The following LINGO2 variants were observed in gnomAD, a reference collection of about 807,000 sequenced individuals.
LINGO2 encodes leucine rich repeat and Ig domain containing 2.
A neutral mutation model predicts 30.6 loss-of-function variants in LINGO2; 14 were observed. The observed-to-expected ratio is 0.46, with a 90% CI of 0.30 to 0.72. The LOEUF (loss-of-function observed/expected upper bound fraction) is 0.72, where lower values mean the gene tolerates loss of function less well. Ranked by LOEUF, LINGO2 falls within the 30% of genes least tolerant of loss-of-function variation. The pLI is 0.07. For synonymous variants in LINGO2, 317 were observed against 288.5 expected, an observed-to-expected ratio of 1.10 and a Z score of -1.00; for missense variants, 729 against 751.7, an observed-to-expected ratio of 0.97 and a Z score of 0.35.
At chr9:28,478,898 T>G (rs1243389212) in intron 1 of LINGO2, among the ~76,000 whole-genome samples, 2 of 152,090 alleles carry the variant, frequency 1.3e-5, no homozygotes, top group East Asian at 3.8e-4. Context: ...TTGACCAATA[T>G]TTGAGCTAAC....
At chr9:28,071,463 G>T (rs1275458551) in intron 4 of LINGO2, among the ~76,000 whole-genome samples, 1 of 151,972 alleles carries the variant, frequency 6.6e-6, no homozygotes, top group Non-Finnish European at 1.5e-5. Context: ...TAGCCTAGCT[G>T]CTAGTTAATT....
chr9:28,167,550 CTTT>C (rs1157571700), intron 4 of LINGO2, among the ~76,000 whole-genome samples: 1 of 151,994 alleles, frequency 6.6e-6, no homozygotes, highest in African/African-American at 2.4e-5. Context: ...CCAGCTAATT[CTTT>C]TTTTGTTATT....
chr9:27,945,060 A>T (rs1304456135), downstream of LINGO2, among the ~76,000 whole-genome samples: 4 of 151,926 alleles, frequency 2.6e-5, no homozygotes, highest in African/African-American at 9.7e-5. Flanking sequence ...AAATTATGTA[A>T]TTTTTTTCTT....
chr9:28,718,979 C>T, the LINGO2 span, among the ~76,000 whole-genome samples: 1 of 152,038 alleles, frequency 6.6e-6, no homozygotes, highest in Non-Finnish European at 1.5e-5. Flanking sequence ...TCACTCTTCT[C>T]AGTGCTTCTA....
At chr9:28,126,392 G>C (rs568077779) in intron 4 of LINGO2, among the ~76,000 whole-genome samples, 1 of 148,256 alleles carries the variant, frequency 6.7e-6, no homozygotes, top group Admixed American at 6.7e-5. Flanking sequence ...CATCCTCACT[G>C]ACCACCGAGA....
chr9:28,757,772 C>A, the LINGO2 span, among the ~76,000 whole-genome samples: 5 of 151,928 alleles, frequency 3.3e-5, 1 homozygote, highest in African/African-American at 1.2e-4. Context: ...GGGTCAGCAA[C>A]TGAACTCAGC....
chr9:28,223,452 T>A (rs1172987396), intron 4 of LINGO2, among the ~76,000 whole-genome samples: 1 of 152,220 alleles, frequency 6.6e-6, no homozygotes, highest in East Asian at 1.9e-4. Context: ...AATCACTTCT[T>A]AAAGGCCCCA....
the LINGO2 span, among the ~76,000 whole-genome samples, chr9:28,749,447 G>T: frequency 6.6e-6 from 1 of 151,958 alleles, no homozygotes; most frequent in African/African-American, 2.4e-5. Flanking sequence ...CAATTTATGT[G>T]CCTACTCCTA....
At chr9:28,466,513 A>G (rs191823523) in intron 2 of LINGO2, among the ~76,000 whole-genome samples, 32 of 152,272 alleles carry the variant, frequency 2.1e-4, no homozygotes, top group African/African-American at 7.2e-4. Context: ...AATAGAGTTA[A>G]TAAGATATAG....
chr9:28,148,336 C>T lies in LINGO2; in HGVS notation c.-86-135931G>A. The T allele has an allele frequency of 1.1e-6, 1 of 926,258 alleles. No individual in the cohort carries two copies. Among genetic ancestry groups the T allele is most frequent in the Non-Finnish European group, 1.7e-6 (1 of 591,114 alleles). The allele number at this position is 926,258 out of a possible 1,614,324, so 57.4% of individuals were successfully genotyped here. On this transcript the variant is annotated intron_variant, in intron 4 of 5. Transcript: ENST00000379992. The surrounding 1 kb of genome is among the most constrained non-coding windows in gnomAD (Gnocchi z 5.1). ...CTCACAACTCCAGGATGTTTGGACA[C>T]CTCAGCCCCGTGAGGATTCCTCATC...
At chr9:28,090,773 T>G (rs1217441196) in intron 4 of LINGO2, among the ~76,000 whole-genome samples, 1 of 152,130 alleles carries the variant, frequency 6.6e-6, no homozygotes, top group East Asian at 1.9e-4. Context: ...GGAAGTCAAA[T>G]TGTCCCTGTT....
At chr9:28,004,214 C>CA (rs1207831005) in intron 5 of LINGO2, among the ~76,000 whole-genome samples, 1 of 151,874 alleles carries the variant, frequency 6.6e-6, no homozygotes, top group African/African-American at 2.4e-5. Context: ...AACAATTAAT[C>CA]ATTTCCCATG....
chr9:28,149,016 G>A, intron 4 of LINGO2: 2 of 1,534,432 alleles, frequency 1.3e-6, no homozygotes, highest in Non-Finnish European at 1.7e-6. Context: ...CAACTGAGGT[G>A]GGATAGAGAC....
intron 4 of LINGO2, among the ~76,000 whole-genome samples, chr9:28,026,144 C>A (rs937940327): frequency 4.6e-5 from 7 of 152,214 alleles, no homozygotes; most frequent in African/African-American, 1.7e-4. Context: ...CTAAATAATA[C>A]TTCTCCCAGG....
At chr9:28,311,435 C>T (rs911072260) in intron 3 of LINGO2, among the ~76,000 whole-genome samples, 22 of 152,080 alleles carry the variant, frequency 1.4e-4, no homozygotes, top group African/African-American at 3.1e-4. Flanking sequence ...AGCCTGGGAG[C>T]GCTACTGGAG....
chr9:28,244,130 A>T (rs562895310), intron 4 of LINGO2, among the ~76,000 whole-genome samples: 1 of 152,354 alleles, frequency 6.6e-6, no homozygotes, highest in African/African-American at 2.4e-5. Flanking sequence ...ACAGTCTCTT[A>T]GACCACAGTG....
chr9:29,053,666 G>A, the LINGO2 span, among the ~76,000 whole-genome samples: 2 of 152,146 alleles, frequency 1.3e-5, no homozygotes, highest in African/African-American at 4.8e-5. Context: ...CAATGCAGAT[G>A]AACAGTTTTA....
the LINGO2 span, among the ~76,000 whole-genome samples, chr9:28,965,289 A>G: frequency 6.6e-6 from 1 of 151,996 alleles, no homozygotes; most frequent in Admixed American, 6.6e-5. Context: ...TTTAAACCCA[A>G]GTAACCAGAA....
chr9:28,094,421 A>C (rs188772310), intron 4 of LINGO2, among the ~76,000 whole-genome samples: 1 of 152,234 alleles, frequency 6.6e-6, no homozygotes, highest in East Asian at 1.9e-4. Context: ...CAGCACTTAT[A>C]AGAAAGGCCA....
Sources: gnomAD v4.1 joint callset for allele counts (sites outside exome capture counted in the v4.1 genomes callset) on GRCh38, gnomAD v4.1.1 for gene constraint, Gnocchi (gnomAD v3.1) non-coding constraint, MANE v1.5 for transcripts, NCBI Gene and HGNC (gene_info 2026-07-23, HGNC 2026-07-21) for gene names.